The following COL17A1 variants were observed in gnomAD, a reference collection of about 807,000 sequenced individuals.
The protein encoded by COL17A1 is collagen alpha-1(XVII) chain.
A neutral mutation model predicts 218.4 loss-of-function variants in COL17A1; 181 were observed. The ratio of observed to expected loss-of-function variants is 0.83; its 90% confidence interval spans 0.73 to 0.94. COL17A1 has a LOEUF of 0.94. Ranked by LOEUF, COL17A1 falls within the 40% of genes least tolerant of loss-of-function variation. COL17A1 has a pLI of 0.00. For missense variants in COL17A1, 1,924 were observed against 1,945.9 expected (o/e 0.99, Z 0.21); for synonymous variants, 721 against 731.0 (o/e 0.99, Z 0.22).
At chr10:104,050,522 A>G in intron 27 of COL17A1, 99 bp downstream of exon 27, 1 of 1,597,596 alleles carries the variant, frequency 6.3e-7, no homozygotes, top group Non-Finnish European at 8.6e-7. Context: ...ATCTTGGTCC[A>G]GGTCCTGTGC....
At chr10:104,075,772 C>T (rs2086704883) in intron 5 of COL17A1, among the ~76,000 whole-genome samples, 1 of 152,240 alleles carries the variant, frequency 6.6e-6, no homozygotes, top group South Asian at 2.1e-4. Flanking sequence ...GCCCTGGGCT[C>T]TCCTGGCTGT....
rs1465878741 is a variant in COL17A1, at chr10:104,036,650, C to T, written c.3278-18G>A. 6.2e-7 allele frequency: 1 copy of T among 1,612,822 alleles called. No individual in the cohort carries two copies. On this transcript the variant is annotated intron_variant, in intron 47 of 55. Transcript: ENST00000648076. ...GTCATCCCCTGGAGAGGAGAGGATGCACTAGCAGGACCCACCCAGGCCATG... is the reference window on the plus strand; with the variant it reads ...GTCATCCCCTGGAGAGGAGAGGATGTACTAGCAGGACCCACCCAGGCCATG...
chr10:104,063,453 G>A, intron 11 of COL17A1: 1 of 433,582 alleles, frequency 2.3e-6, no homozygotes, highest in Non-Finnish European at 4.3e-6. Flanking sequence ...CCCTGAAAAT[G>A]TCCTACACGA....
At chr10:104,036,145 G>T (rs9420921) in intron 48 of COL17A1, among the ~76,000 whole-genome samples, 14 of 348 alleles carry the variant, frequency 0.04, 6 homozygotes, top group South Asian at 0.11. Context: ...TGTGTGTATG[G>T]GTGTATGGGA....
rs546988196 is a variant in COL17A1 at position 104,082,148 on chromosome 10, G to A, written c.-11-1464C>T. The stretch of plus-strand genomic sequence containing the variant: ...TTTTTCAAACACAGCTCGAGGCAAG[G>A]AATGAGGCACAATGGAAAAAATCCT... On this transcript the variant is annotated intron_variant, in intron 1 of 55. Coordinates refer to ENST00000648076, the MANE Select transcript of COL17A1 (RefSeq NM_000494.4). 4.1e-4 allele frequency among the ~76,000 whole-genome samples: 62 copies of A among 152,318 alleles called. 1 individual carries two copies. The highest frequency in any genetic ancestry group is 1.5e-3 in the African/African-American group (62 of 41,574).
rs1277327700 is a variant in COL17A1, at chr10:104,055,481, C to CACACACAA, written c.1688-81_1688-80insTTGTGTGT. ...ACACACACACACACACACACACACA[C>CACACACAA]AATAAGGGGATCATGGTATGGGAAG... On this transcript the variant is annotated intron_variant, in intron 18 of 55. Transcript: ENST00000648076. 7.3e-6 allele frequency: 11 copies of CACACACAA among 1,498,040 alleles called. No individual in the cohort carries two copies. The African/African-American group carries it at 8.5e-5, about 12-fold the overall frequency. The allele number at this position is 1,498,040 out of a possible 1,614,324, so 92.8% of individuals were successfully genotyped here.
At chr10:104,084,465 A>C (rs921366209) in intron 1 of COL17A1, among the ~76,000 whole-genome samples, 1 of 152,098 alleles carries the variant, frequency 6.6e-6, no homozygotes, top group Non-Finnish European at 1.5e-5. Context: ...ATGCACCGCC[A>C]CACCCAGCTA....
At position 104,033,984 on chromosome 10, in the gene COL17A1, A is replaced by G. The variant is rs370217848; in HGVS notation, c.4117T>C (p.Tyr1373His). The change falls in exon 52 of 56, where the codon TAC (tyrosine) becomes CAC (histidine). Residue 1373 changes from tyrosine to histidine, a missense_variant. Coordinates refer to ENST00000648076, the MANE Select transcript of COL17A1 (RefSeq NM_000494.4). ...GACACCCTCACAGCCAGCTCATTGT[A>G]ATCCAGATCTCCAGCAAAGTCAGCT... ...LGADFAGDLD[Y>H]NELAVRVSES... 1 of 1,614,056 alleles carries G rather than the reference A, an allele frequency of 6.2e-7. No individual in the cohort carries two copies. Among genetic ancestry groups the G allele is most frequent in the African/African-American group, 1.3e-5 (1 of 74,920 alleles).
At chr10:104,078,323 A>G (rs1185439408) in intron 3 of COL17A1, among the ~76,000 whole-genome samples, 1 of 152,194 alleles carries the variant, frequency 6.6e-6, no homozygotes, top group East Asian at 1.9e-4. Flanking sequence ...GAAATCTTCT[A>G]AAATTGGACT....
chr10:104,041,031 G>A, intron 39 of COL17A1, 34 bp downstream of exon 39: 5 of 1,613,082 alleles, frequency 3.1e-6, no homozygotes, highest in Non-Finnish European at 4.2e-6. Context: ...GGGCTGAGGT[G>A]GAGAACAGGT....
intron 13 of COL17A1, among the ~76,000 whole-genome samples, chr10:104,061,046 G>A (rs1589570779): frequency 6.6e-6 from 1 of 152,190 alleles, no homozygotes. Flanking sequence ...GTAGAAAGCA[G>A]GGAGGGTGCC....
Position 104,045,781 on chromosome 10 carries a change from G to T in COL17A1, c.2375C>A (p.Thr792Asn). 6.2e-7 allele frequency: 1 copy of T among 1,612,714 alleles called. No homozygotes were observed. The highest frequency in any genetic ancestry group is 8.5e-7 in the Non-Finnish European group (1 of 1,178,638). ...ACCTTTTATTCCTGGTCGGCCAGGG[G>T]TACCGGGAAGTCCTGATGTGATTAG... ...GPQGPQGLPG[T>N]PGRPGIKGEP... Residue 792 changes from threonine to asparagine, a missense_variant, in exon 33 of 56, where the codon ACC becomes AAC. Coordinates refer to ENST00000648076, the MANE Select transcript of COL17A1 (RefSeq NM_000494.4).
rs1166017764 is a variant in COL17A1 at position 104,032,695 on chromosome 10, T to G, written c.4417A>C (p.Lys1473Gln). The change falls in exon 55 of 56, where the codon AAG becomes CAG. Residue 1473 changes from lysine to glutamine, a missense_variant. Lys to Gln is a moderately conservative substitution (Grantham distance 53). Coordinates refer to ENST00000648076, the MANE Select transcript of COL17A1 (RefSeq NM_000494.4). ...HPGPPGPRGHKGEKGDKGDQV... is the reference protein window; with the variant it reads ...HPGPPGPRGHQGEKGDKGDQV... ...TTACCTTTGTCTCCTTTTTCTCCCTTGTGTCCTCGAGGGCCAGGTGGCCCA... is the reference window on the plus strand; with the variant it reads ...TTACCTTTGTCTCCTTTTTCTCCCTGGTGTCCTCGAGGGCCAGGTGGCCCA... 1 of 1,613,996 alleles carries G rather than the reference T, an allele frequency of 6.2e-7. No homozygotes were observed. The highest frequency in any genetic ancestry group is 8.5e-7 in the Non-Finnish European group (1 of 1,179,992).
chr10:104,041,645 C>G, intron 36 of COL17A1, 107 bp from the exon 37 acceptor site: 1 of 932,464 alleles, frequency 1.1e-6, no homozygotes, highest in Non-Finnish European at 1.7e-6. Flanking sequence ...CCAGGCTACC[C>G]TCACAGCCCA....
Position 104,045,794 on chromosome 10 carries a change from C to T in COL17A1, c.2363-1G>A. The T allele has an allele frequency of 6.2e-7, 1 of 1,612,102 alleles. No homozygotes were observed. The highest frequency in any genetic ancestry group is 8.5e-7 in the Non-Finnish European group (1 of 1,178,106). ...GGTCGGCCAGGGGTACCGGGAAGTC[C>T]TGATGTGATTAGAACAAGTAGTCAG... On this transcript the variant is annotated splice_acceptor_variant, in intron 32 of 55. Transcript: ENST00000648076. LOFTEE classifies it high-confidence loss of function.
rs1215560965 is a variant in COL17A1 at position 104,032,260 on chromosome 10, C to T, written c.4469G>A (p.Arg1490Lys). 6.2e-7 allele frequency: 1 copy of T among 1,614,066 alleles called. No individual in the cohort carries two copies. Among genetic ancestry groups the T allele is most frequent in the Non-Finnish European group, 8.5e-7 (1 of 1,179,924 alleles). Residue 1490 changes from arginine (R) to lysine (K), a missense_variant, in exon 56 of 56, where the codon AGA (arginine) becomes AAA (lysine). By Grantham distance (26) the Arg-to-Lys change is conservative. Transcript: ENST00000648076. ...GDQVYAGRRR[R>K]RSIAVKP ...TCACGGCTTGACAGCAATACTTCTTCTCCTTCTCCGCCCAGCATAGACTTG... is the reference window on the plus strand; with the variant it reads ...TCACGGCTTGACAGCAATACTTCTTTTCCTTCTCCGCCCAGCATAGACTTG...
At chr10:104,034,551 C>T in intron 51 of COL17A1, 70 bp downstream of exon 51, 9 of 1,566,802 alleles carry the variant, frequency 5.7e-6, no homozygotes, top group Non-Finnish European at 7.8e-6. Flanking sequence ...TAAGTGCCTC[C>T]CTGCCCCACT....
At chr10:104,043,423 G>A in intron 35 of COL17A1, 78 bp downstream of exon 35, 1 of 1,345,554 alleles carries the variant, frequency 7.4e-7, no homozygotes, top group Non-Finnish European at 1.1e-6. Flanking sequence ...TGGGTTTCAG[G>A]ATCTGAAGAA....
At position 104,058,154 on chromosome 10, in the gene COL17A1, G is replaced by A; in HGVS notation, c.1259C>T (p.Thr420Ile). The A allele has an allele frequency of 1.2e-6, 2 of 1,614,216 alleles. No homozygotes were observed. The highest frequency in any genetic ancestry group is 1.7e-6 in the Non-Finnish European group (2 of 1,180,042). ...TCGCGGTTCTCACCCACCTGCAGTG[G>A]TGGTCTTGCCCTTTGTGGACACAGT... is the stretch of plus-strand genomic sequence containing the variant. The part of the protein sequence containing the change: ...LKTVSTKGKT[T>I]TADIHSYGSS... The change falls in exon 16 of 56, where the codon ACC becomes ATC. Residue 420 changes from threonine (T) to isoleucine (I), a missense_variant. Thr to Ile is a moderately conservative substitution (Grantham distance 89). Coordinates refer to ENST00000648076, the MANE Select transcript of COL17A1 (RefSeq NM_000494.4).
Sources: gnomAD v4.1 joint callset for allele counts (sites outside exome capture counted in the v4.1 genomes callset) on GRCh38, gnomAD v4.1.1 for gene constraint, MANE v1.5 for transcripts, NCBI Gene and HGNC (gene_info 2026-07-23, HGNC 2026-07-21) for gene names.